SPTLC3: variants seen among roughly 807,000 people sequenced by gnomAD.
SPTLC3 encodes the protein serine palmitoyltransferase 3.
A neutral mutation model predicts 59.3 loss-of-function variants in SPTLC3; 36 were observed. That is an observed-to-expected ratio of 0.61 (90% CI 0.47 to 0.80). The LOEUF (loss-of-function observed/expected upper bound fraction) is 0.80. Among genes scored for constraint, SPTLC3 ranks in the 30% least tolerant of loss-of-function variants. The pLI is 0.00. For synonymous variants in SPTLC3, 257 were observed against 240.8 expected (o/e 1.07, Z -0.62); for missense variants, 625 against 685.1 (o/e 0.91, Z 0.98).
At chr20:13,075,000 C>G (rs762322270) in intron 4 of SPTLC3, among the ~76,000 whole-genome samples, 2 of 152,110 alleles carry the variant, frequency 1.3e-5, no homozygotes, top group Non-Finnish European at 2.9e-5. Flanking sequence ...TTCTCTTACT[C>G]AAAGTAGTAA....
At chr20:13,134,679 AAAG>A (rs2038202122) in intron 9 of SPTLC3, among the ~76,000 whole-genome samples, 1 of 152,208 alleles carries the variant, frequency 6.6e-6, no homozygotes. Flanking sequence ...ACGTAACAGA[AAAG>A]AAACAGATCT....
intron 10 of SPTLC3, 148 bp downstream of exon 10, chr20:13,154,286 C>T (rs1476039733): frequency 1.1e-6 from 1 of 940,770 alleles, no homozygotes; most frequent in African/African-American, 1.7e-5. Flanking sequence ...ACCTGTCACT[C>T]TATCAGCTAG....
At position 13,019,465 on chromosome 20, in the gene SPTLC3, G is replaced by A. The variant is rs186178165; in HGVS notation, c.117+10081G>A. 1.1e-4 allele frequency among the ~76,000 whole-genome samples: 17 copies of A among 152,018 alleles called. 1 individual carries two copies. Among genetic ancestry groups the A allele is most frequent in the Admixed American group, 4.6e-4 (7 of 15,258 alleles). On this transcript the variant is annotated intron_variant, in intron 1 of 11. Transcript: ENST00000399002. ...TGGCTCAGAGAATTTGGCTCGCCTC[G>A]ATTTAATTTACTTTATATTTCAAAA...
intron 9 of SPTLC3, chr20:13,133,002 C>T (rs1224076955): frequency 1.3e-5 from 2 of 152,752 alleles, no homozygotes; most frequent in Admixed American, 1.3e-4. Context: ...TGTAAGCACA[C>T]TCCCCTGCTT....
intron 9 of SPTLC3, among the ~76,000 whole-genome samples, chr20:13,143,424 A>C (rs915710864): frequency 2.0e-5 from 3 of 152,266 alleles, no homozygotes; most frequent in Non-Finnish European, 2.9e-5. Context: ...TCCTCATAAC[A>C]GTATGCAGTG....
At chr20:13,051,230 A>G (rs1987476804) in intron 2 of SPTLC3, among the ~76,000 whole-genome samples, 1 of 151,998 alleles carries the variant, frequency 6.6e-6, no homozygotes, top group Non-Finnish European at 1.5e-5. Flanking sequence ...CATAAACTTA[A>G]AGTAAACGGG....
At chr20:13,109,252 C>T (rs11905265) in intron 6 of SPTLC3, among the ~76,000 whole-genome samples, 6,448 of 152,256 alleles carry the variant, frequency 0.042, 169 homozygotes, top group South Asian at 0.078. Flanking sequence ...GCCAGACATT[C>T]ATCCTCCCTT....
rs184623021 is a variant in SPTLC3, at chr20:13,095,247, A to G, written c.826+1670A>G. ...TAGGCAGTCATTCAACTGTAGTTCC[A>G]TCTATGTATGTGGTTAAACGTGATA... On this transcript the variant is annotated intron_variant, in intron 6 of 11. Coordinates refer to ENST00000399002, the MANE Select transcript of SPTLC3 (RefSeq NM_018327.4). Among the ~76,000 whole-genome samples, 744 of 152,354 alleles carry G rather than the reference A, an allele frequency of 4.9e-3. 1 individual carries two copies. The highest frequency in any genetic ancestry group is 9.2e-3 in the Non-Finnish European group (625 of 68,030).
intron 1 of SPTLC3, among the ~76,000 whole-genome samples, chr20:13,038,033 G>C (rs1986811054): frequency 7.8e-6 from 1 of 128,536 alleles, no homozygotes; most frequent in East Asian, 1.9e-4. Context: ...GGAAAATACA[G>C]AGAAAATCAT....
chr20:13,100,488 G>A (rs923367060), intron 6 of SPTLC3, among the ~76,000 whole-genome samples: 5 of 152,176 alleles, frequency 3.3e-5, no homozygotes, highest in South Asian at 2.1e-4. Flanking sequence ...CCAACTACTC[G>A]GTTAGCTAAG....
intron 6 of SPTLC3, among the ~76,000 whole-genome samples, chr20:13,103,699 A>G (rs1358356970): frequency 2.0e-5 from 3 of 152,210 alleles, no homozygotes; most frequent in Non-Finnish European, 4.4e-5. Flanking sequence ...TCCTGGATCC[A>G]TAGGAGAGGG....
intron 10 of SPTLC3, among the ~76,000 whole-genome samples, chr20:13,154,708 C>G (rs1202307303): frequency 6.6e-6 from 1 of 152,172 alleles, no homozygotes; most frequent in Non-Finnish European, 1.5e-5. Context: ...TTCTCATGCC[C>G]TTACTGTGAA....
chr20:13,077,176 A>G (rs1247413674), intron 4 of SPTLC3, among the ~76,000 whole-genome samples: 1 of 151,976 alleles, frequency 6.6e-6, no homozygotes, highest in African/African-American at 2.4e-5. Flanking sequence ...ACAGTTGACA[A>G]CCATCGAGCC....
At chr20:13,009,507 C>A in intron 1 of SPTLC3, 123 bp downstream of exon 1, 1 of 854,316 alleles carries the variant, frequency 1.2e-6, no homozygotes, top group Non-Finnish European at 1.8e-6. Context: ...CATGTTTTGA[C>A]TGTTGACTCT....
intron 2 of SPTLC3, among the ~76,000 whole-genome samples, chr20:13,060,377 G>GTTATTTATTTAT (rs60787251): frequency 5.3e-4 from 77 of 146,278 alleles, no homozygotes; most frequent in African/African-American, 1.2e-3. Context: ...AAGAGCTAAA[G>GTTATTTATTTAT]TTATTTATTT....
At chr20:13,091,386 A>G (rs1989212354) in intron 5 of SPTLC3, among the ~76,000 whole-genome samples, 179 bp downstream of exon 5, 1 of 152,090 alleles carries the variant, frequency 6.6e-6, no homozygotes, top group South Asian at 2.1e-4. Context: ...CATCCTGGCC[A>G]ACATAGTGAA....
intron 1 of SPTLC3, among the ~76,000 whole-genome samples, chr20:13,040,342 G>A (rs1415168593): frequency 6.6e-6 from 1 of 151,912 alleles, no homozygotes; most frequent in Non-Finnish European, 1.5e-5. Flanking sequence ...AGTAGTAAAG[G>A]GAAGGGAAGA....
In SPTLC3 at chr20:13,164,782, A is replaced by T. The variant is rs768595034; in HGVS notation, c.1574A>T (p.Asp525Val). The T allele has an allele frequency of 4.2e-5, 67 of 1,613,636 alleles. No individual in the cohort carries two copies. Among genetic ancestry groups the T allele is most frequent in the Admixed American group, 1.0e-4 (6 of 59,984 alleles). ...TVLEALDEMGDLLQLKYSRHK... is the reference protein window; with the variant it reads ...TVLEALDEMGVLLQLKYSRHK... ...TTAGAAGCTCTTGATGAAATGGGTGATCTCTTGCAACTGAAATATTCCCGG... is the reference window on the plus strand; with the variant it reads ...TTAGAAGCTCTTGATGAAATGGGTGTTCTCTTGCAACTGAAATATTCCCGG... Residue 525 changes from aspartate to valine, a missense_variant, in exon 12 of 12, where the codon GAT becomes GTT. Transcript: ENST00000399002.
intron 1 of SPTLC3, among the ~76,000 whole-genome samples, chr20:13,034,357 A>G (rs905584394): frequency 2.0e-5 from 3 of 152,210 alleles, no homozygotes; most frequent in Admixed American, 6.5e-5. Flanking sequence ...AGTGAGGAAT[A>G]AGAAAGATAT....
Sources: gnomAD v4.1 joint callset for allele counts (sites outside exome capture counted in the v4.1 genomes callset) on GRCh38, gnomAD v4.1.1 for gene constraint, MANE v1.5 for transcripts, NCBI Gene and HGNC (gene_info 2026-07-23, HGNC 2026-07-21) for gene names.